Variants in TIAM1 observed in about 807,000 individuals in gnomAD.
TIAM1 encodes the protein rho guanine nucleotide exchange factor TIAM1.
A neutral mutation model predicts 163.5 loss-of-function variants in TIAM1; 65 were observed. That is an observed-to-expected ratio of 0.40 (90% CI 0.33 to 0.49). The LOEUF is 0.49. Among genes scored for constraint, TIAM1 ranks in the 20% least tolerant of loss-of-function variants. The pLI is 0.77. For synonymous variants in TIAM1, 833 were observed against 810.1 expected, an observed-to-expected ratio of 1.03 and a Z score of -0.48; for missense variants, 1,789 against 2,044.7, an observed-to-expected ratio of 0.87 and a Z score of 2.41.
At chr21:31,516,732 A>G (rs1261697463) in intron 1 of TIAM1, among the ~76,000 whole-genome samples, 3 of 151,888 alleles carry the variant, frequency 2.0e-5, no homozygotes, top group Non-Finnish European at 4.4e-5. Flanking sequence ...ATTGAATAAC[A>G]GGGCAGCACA....
Position 31,120,819 on chromosome 21 carries a change from G to C in TIAM1, c.4325C>G (p.Ser1442Cys), listed in dbSNP as rs1395774211. The change falls in exon 28 of 28, where the codon TCT (serine) becomes TGT (cysteine). Residue 1442 changes from serine to cysteine, a missense_variant. Physicochemically the swap from Ser to Cys is moderately radical, Grantham distance 112. Transcript: ENST00000541036. The surrounding 1 kb of genome is among the most constrained non-coding windows in gnomAD (Gnocchi z 4.2). ...CAGCCGCCGCCTCCTCCTCCCAAGA[G>C]ACTTGCTTGGGGCAGACACTGCACA... ...MSRAVSAPSK[S>C]LGRRRRRLAR... The C allele has an allele frequency of 1.2e-6, 2 of 1,612,250 alleles. No homozygotes were observed. Among genetic ancestry groups the C allele is most frequent in the South Asian group, 2.2e-5 (2 of 90,898 alleles).
intron 1 of TIAM1, among the ~76,000 whole-genome samples, chr21:31,506,433 C>G (rs1241252578): frequency 1.3e-5 from 2 of 152,148 alleles, no homozygotes; most frequent in Admixed American, 1.3e-4. Context: ...TCACCAACAT[C>G]CATCTTCCGA....
intron 1 of TIAM1, among the ~76,000 whole-genome samples, chr21:31,479,095 G>A (rs1452370211): frequency 1.3e-5 from 2 of 152,336 alleles, no homozygotes; most frequent in East Asian, 1.9e-4. Context: ...AAACAGCTTC[G>A]TGAGCATTAG....
chr21:31,268,005 G>A (rs1224333965), intron 3 of TIAM1, among the ~76,000 whole-genome samples: 8 of 152,116 alleles, frequency 5.3e-5, no homozygotes, highest in African/African-American at 1.4e-4. Context: ...TTCAAAGCTC[G>A]ACAACTGTGA....
intron 2 of TIAM1, among the ~76,000 whole-genome samples, chr21:31,366,909 T>C (rs1345997567): frequency 6.6e-6 from 1 of 152,230 alleles, no homozygotes; most frequent in African/African-American, 2.4e-5. Context: ...TGAGTCACCA[T>C]GCCCAGCCTC....
intron 2 of TIAM1, among the ~76,000 whole-genome samples, chr21:31,413,784 C>T (rs928563603): frequency 6.6e-6 from 1 of 152,266 alleles, no homozygotes; most frequent in African/African-American, 2.4e-5. Context: ...AGGCAAAGAA[C>T]GTGCAAACAG....
At chr21:31,230,503 C>A (rs571585894) in intron 6 of TIAM1, among the ~76,000 whole-genome samples, 1 of 152,168 alleles carries the variant, frequency 6.6e-6, no homozygotes, top group East Asian at 1.9e-4. Flanking sequence ...AGCCAGGCTG[C>A]AGAGTCACAA....
intron 16 of TIAM1, among the ~76,000 whole-genome samples, chr21:31,155,662 G>C (rs375239905): frequency 1.3e-5 from 2 of 152,020 alleles, no homozygotes; most frequent in Non-Finnish European, 2.9e-5. Context: ...CCGCCACCAC[G>C]CCCGGCTATT....
intron 15 of TIAM1, among the ~76,000 whole-genome samples, chr21:31,177,074 G>T (rs1254383015): frequency 6.6e-6 from 1 of 152,206 alleles, no homozygotes. Context: ...AGCAATCTCT[G>T]GTCATAGGCC....
At chr21:31,427,659 G>GA (rs869178986) in intron 2 of TIAM1, among the ~76,000 whole-genome samples, 12 of 151,606 alleles carry the variant, frequency 7.9e-5, no homozygotes, top group African/African-American at 2.9e-4. Context: ...TCATATCTAT[G>GA]AAAAATTTTT....
intron 10 of TIAM1, chr21:31,212,753 C>T: frequency 6.6e-6 from 1 of 151,110 alleles, no homozygotes; most frequent in Non-Finnish European, 1.5e-5. Context: ...GCTGGGACTA[C>T]AGGTGTCCAG....
chr21:31,552,965 C>A (rs2048744107), intron 1 of TIAM1, among the ~76,000 whole-genome samples: 1 of 152,182 alleles, frequency 6.6e-6, no homozygotes, highest in Admixed American at 6.5e-5. Context: ...CCGCCTTCAT[C>A]TCTCCACCAA....
chr21:31,514,305 A>G (rs568846284), intron 1 of TIAM1, among the ~76,000 whole-genome samples: 2 of 152,298 alleles, frequency 1.3e-5, no homozygotes, highest in East Asian at 3.9e-4. Context: ...GAGAGAATTT[A>G]CAAATTCTAG....
intron 5 of TIAM1, 85 bp from the exon 6 acceptor site, chr21:31,245,745 T>TAC: frequency 8.2e-7 from 1 of 1,218,046 alleles, no homozygotes; most frequent in East Asian, 3.1e-5. Context: ...ATGTGCACCC[T>TAC]GTCAGAGGCT....
chr21:31,306,478 TCA>T lies in TIAM1; in HGVS notation c.-188-29572_-188-29571del, dbSNP rs549276255. 3.0e-3 allele frequency among the ~76,000 whole-genome samples: 457 copies of T among 152,170 alleles called. 1 individual carries two copies. The highest frequency in any genetic ancestry group is 0.011 in the African/African-American group (446 of 41,494). On this transcript the variant is annotated intron_variant, in intron 2 of 27. Coordinates refer to ENST00000541036, the MANE Select transcript of TIAM1 (RefSeq NM_001353694.2). ...CTTCACAAAGAGGAAAATAATAACT[TCA>T]CAACTGGGAAGGCTGGCAATGCTGT...
intron 1 of TIAM1, among the ~76,000 whole-genome samples, chr21:31,482,380 G>A (rs1196939962): frequency 6.6e-6 from 1 of 152,048 alleles, no homozygotes; most frequent in Non-Finnish European, 1.5e-5. Flanking sequence ...TCGAACTCCT[G>A]ACCTCAGGTG....
At chr21:31,135,650 CAA>C (rs111656838) in intron 23 of TIAM1, among the ~76,000 whole-genome samples, 2 of 143,964 alleles carry the variant, frequency 1.4e-5, no homozygotes. Context: ...GAGCAGCAGC[CAA>C]AAAAAAAAAA....
chr21:31,145,882 A>G (rs777804965), intron 20 of TIAM1, among the ~76,000 whole-genome samples: 1 of 152,212 alleles, frequency 6.6e-6, no homozygotes, highest in Admixed American at 6.5e-5. Flanking sequence ...CATCAACATT[A>G]TAACAAAATG....
chr21:31,496,854 G>C (rs1289232928), intron 1 of TIAM1, among the ~76,000 whole-genome samples: 1 of 151,918 alleles, frequency 6.6e-6, no homozygotes, highest in East Asian at 1.9e-4. Flanking sequence ...TTTTTCCATG[G>C]ACTGGGGTGG....
Sources: allele counts gnomAD v4.1 joint callset (sites outside exome capture counted in the v4.1 genomes callset), GRCh38; gene constraint gnomAD v4.1.1; non-coding constraint Gnocchi (gnomAD v3.1); transcripts MANE v1.5; gene names NCBI Gene and HGNC (gene_info 2026-07-23, HGNC 2026-07-21).